The following ELP4 variants were observed in gnomAD, a reference collection of about 807,000 sequenced individuals.
ELP4 encodes elongator acetyltransferase complex subunit 4, also known as elongator complex protein 4.
In ELP4, 51 loss-of-function variants were observed where a neutral mutation model predicts 48.9. The observed-to-expected ratio is 1.04, with a 90% CI of 0.83 to 1.32. The LOEUF is 1.32. ELP4 is among the 40% of genes most tolerant of loss of function. The pLI, the probability that ELP4 is intolerant of heterozygous loss-of-function variation, is 0.00. For missense variants in ELP4, 519 were observed against 514.6 expected, an observed-to-expected ratio of 1.01 and a Z score of -0.08; for synonymous variants, 210 against 189.2, an observed-to-expected ratio of 1.11 and a Z score of -0.90.
intron 9 of ELP4, among the ~76,000 whole-genome samples, chr11:31,665,964 C>T (rs1036659032): frequency 1.3e-5 from 2 of 148,658 alleles, no homozygotes; most frequent in African/African-American, 5.0e-5. Flanking sequence ...CTAATTCTCT[C>T]ACTTTAACAT....
At chr11:31,550,259 T>C (rs1470694381) in intron 3 of ELP4, among the ~76,000 whole-genome samples, 6 of 152,104 alleles carry the variant, frequency 3.9e-5, no homozygotes, top group Non-Finnish European at 5.9e-5. Context: ...TTTTTCTCAT[T>C]TTGTAAAAAT....
At chr11:31,641,309 GAGAA>G (rs1362912335) in intron 7 of ELP4, among the ~76,000 whole-genome samples, 1 of 151,502 alleles carries the variant, frequency 6.6e-6, no homozygotes, top group Non-Finnish European at 1.5e-5. Flanking sequence ...TGCAGAGCCT[GAGAA>G]AGAGATTGTG....
chr11:31,729,507 T>C (rs1402774407), intron 9 of ELP4, among the ~76,000 whole-genome samples: 3 of 152,232 alleles, frequency 2.0e-5, no homozygotes, highest in Non-Finnish European at 4.4e-5. Flanking sequence ...TACTAGAAAT[T>C]AGACTTCAGA....
rs549799796 is a variant in ELP4, at chr11:31,776,644, T to A, written c.1144-6749T>A. On this transcript the variant is annotated intron_variant, in intron 9 of 9. Coordinates refer to ENST00000640961, the MANE Select transcript of ELP4 (RefSeq NM_019040.5). The stretch of plus-strand genomic sequence containing the variant: ...TGAATTTGGAGGCAAGACAATACTG[T>A]CAGTTATAATTGACGGTCAAAATAA... 1.6e-3 allele frequency among the ~76,000 whole-genome samples: 237 copies of A among 152,316 alleles called. 1 individual carries two copies. Among genetic ancestry groups the A allele is most frequent in the African/African-American group, 5.6e-3 (232 of 41,572 alleles).
intron 9 of ELP4, among the ~76,000 whole-genome samples, chr11:31,667,829 G>A (rs143819036): frequency 2.0e-3 from 304 of 152,174 alleles, no homozygotes; most frequent in African/African-American, 7.0e-3. Context: ...ACTGACTCGT[G>A]CTACTCAGAC....
At chr11:31,518,235 T>C (rs982621977) in intron 1 of ELP4, among the ~76,000 whole-genome samples, 9 of 151,786 alleles carry the variant, frequency 5.9e-5, no homozygotes, top group Admixed American at 4.6e-4. Context: ...GCCTCCTGCG[T>C]AGCTGGGATT....
intron 9 of ELP4, among the ~76,000 whole-genome samples, chr11:31,686,512 G>C (rs1400204333): frequency 6.6e-6 from 1 of 152,110 alleles, no homozygotes; most frequent in Non-Finnish European, 1.5e-5. Context: ...CACAATTTTG[G>C]ATTCTCTCCC....
At chr11:31,550,309 C>A (rs1956825535) in intron 3 of ELP4, among the ~76,000 whole-genome samples, 1 of 151,840 alleles carries the variant, frequency 6.6e-6, no homozygotes, top group South Asian at 2.1e-4. Context: ...AGGAAAAATG[C>A]AGAATTTGGC....
chr11:31,770,133 A>G lies in ELP4; in HGVS notation c.1144-13260A>G, dbSNP rs548907362. Among the ~76,000 whole-genome samples, 6 of 152,240 alleles carry G rather than the reference A, an allele frequency of 3.9e-5. No homozygotes were observed. The East Asian group carries it at 9.7e-4, about 25-fold the overall frequency. On this transcript the variant is annotated intron_variant, in intron 9 of 9. Coordinates refer to ENST00000640961, the MANE Select transcript of ELP4 (RefSeq NM_019040.5). The stretch of plus-strand genomic sequence containing the variant: ...CTCAGCTTGGCCTTGCTAAAGCTTC[A>G]TTCAAATTCTACACACTCTGGAGCT...
rs1212718517 is a variant in ELP4, at chr11:31,560,684, ATTGTTTTATATATATATAAAACAACG to A, written c.381+20927_381+20952del. 7.4e-3 allele frequency among the ~76,000 whole-genome samples: 809 copies of A among 108,730 alleles called. 3 individuals carry two copies. Among genetic ancestry groups the A allele is most frequent in the Admixed American group, 9.6e-3 (99 of 10,280 alleles). The allele number at this position is 108,730 out of a possible 152,430, so 71.3% of individuals were successfully genotyped here. ...AATTATTTTCTATTATAAAGACCAC[ATTGTTTTATATATATATAAAACAACG>A]TTGTTTTATATATATATAAAACAAC... is the stretch of plus-strand genomic sequence containing the variant. On this transcript the variant is annotated intron_variant, in intron 3 of 9. Coordinates refer to ENST00000640961, the MANE Select transcript of ELP4 (RefSeq NM_019040.5).
chr11:31,735,400 T>A (rs1947288622), intron 9 of ELP4, among the ~76,000 whole-genome samples: 1 of 152,138 alleles, frequency 6.6e-6, no homozygotes. Context: ...TCTCATTCCC[T>A]TTGAAAGCTG....
At chr11:31,771,272 T>C (rs1370991855) in intron 9 of ELP4, among the ~76,000 whole-genome samples, 1 of 152,202 alleles carries the variant, frequency 6.6e-6, no homozygotes, top group African/African-American at 2.4e-5. Context: ...GAAAGCAGGA[T>C]CTAATAGCCA....
chr11:31,621,010 A>G (rs1336496872), intron 5 of ELP4, among the ~76,000 whole-genome samples: 1 of 151,954 alleles, frequency 6.6e-6, no homozygotes, highest in African/African-American at 2.4e-5. Flanking sequence ...GGTAACAGTA[A>G]TGAAATTTTT....
chr11:31,679,823 T>G (rs1403144763), intron 9 of ELP4, among the ~76,000 whole-genome samples: 1 of 152,158 alleles, frequency 6.6e-6, no homozygotes, highest in Non-Finnish European at 1.5e-5. Context: ...TAAAATAACT[T>G]GCTTGGATTT....
At chr11:31,719,543 G>A (rs190295710) in intron 9 of ELP4, 105 of 398,134 alleles carry the variant, frequency 2.6e-4, no homozygotes, top group Non-Finnish European at 7.5e-5. Flanking sequence ...GTAGCTTTGT[G>A]TTTATCAGCA....
chr11:31,551,820 C>T (rs953335519), intron 3 of ELP4, among the ~76,000 whole-genome samples: 1 of 152,082 alleles, frequency 6.6e-6, no homozygotes, highest in African/African-American at 2.4e-5. Context: ...ACATTACCTC[C>T]TCTTTTATGA....
chr11:31,705,026 T>A (rs964489157), intron 9 of ELP4, among the ~76,000 whole-genome samples: 11 of 147,454 alleles, frequency 7.5e-5, no homozygotes, highest in Admixed American at 1.5e-4. Flanking sequence ...AAAAAAAAAT[T>A]ATATAGTATA....
At chr11:31,532,529 T>C (rs536076465) in intron 2 of ELP4, among the ~76,000 whole-genome samples, 44 of 152,294 alleles carry the variant, frequency 2.9e-4, no homozygotes, top group African/African-American at 1.1e-3. Context: ...GTTTTTTTAA[T>C]TATCTACGAG....
chr11:31,580,371 T>G lies in ELP4; in HGVS notation c.382-14399T>G, dbSNP rs1355661328. Among the ~76,000 whole-genome samples, 9 of 152,194 alleles carry G rather than the reference T, an allele frequency of 5.9e-5. No homozygotes were observed. The East Asian group carries it at 1.7e-3, about 29-fold the overall frequency. On this transcript the variant is annotated intron_variant, in intron 3 of 9. Coordinates refer to ENST00000640961, the MANE Select transcript of ELP4 (RefSeq NM_019040.5). ...TGTTTTCTAAAGGATCTAATATTAG[T>G]AGTAGGTGTTCCTTTTAATATTAAT...
Sources: gnomAD v4.1 joint callset for allele counts (sites outside exome capture counted in the v4.1 genomes callset) on GRCh38, gnomAD v4.1.1 for gene constraint, MANE v1.5 for transcripts, NCBI Gene and HGNC (gene_info 2026-07-23, HGNC 2026-07-21) for gene names.